The following EPB41 variants were observed in gnomAD, a reference collection of about 807,000 sequenced individuals.
EPB41 encodes the protein erythrocyte membrane protein band 4.1, also known as protein 4.1.
A neutral mutation model predicts 108.0 loss-of-function variants in EPB41; 65 were observed. That is an observed-to-expected ratio of 0.60 (90% CI 0.49 to 0.74). The LOEUF (loss-of-function observed/expected upper bound fraction) is 0.74, where lower values mean the gene tolerates loss of function less well. Ranked by LOEUF, EPB41 falls within the 30% of genes least tolerant of loss-of-function variation. The pLI is 0.00. For missense variants in EPB41, 875 were observed against 1,037.0 expected (o/e 0.84, Z 2.15); for synonymous variants, 336 against 358.9 (o/e 0.94, Z 0.72).
Position 29,032,271 on chromosome 1 carries a change from A to G in EPB41, c.1213-822A>G, listed in dbSNP as rs143147163. 3.0e-3 allele frequency among the ~76,000 whole-genome samples: 452 copies of G among 152,264 alleles called. 5 individuals are homozygous for G. The highest frequency in any genetic ancestry group is 9.7e-3 in the African/African-American group (403 of 41,546). ...CAATTCCTGCTGGAAGCTGGTGTCA[A>G]TTCAGGTATTGATGGAGTCAGGCAG... is the stretch of plus-strand genomic sequence containing the variant. On this transcript the variant is annotated intron_variant, in intron 8 of 20. Coordinates refer to ENST00000343067, the MANE Select transcript of EPB41 (RefSeq NM_001376013.1).
At chr1:29,072,401 G>T (rs1651899653) in intron 16 of EPB41, 1 of 152,066 alleles carries the variant, frequency 6.6e-6, no homozygotes, top group Non-Finnish European at 1.5e-5. Flanking sequence ...GAATTAAAAG[G>T]AAATAATCAG....
In EPB41 at chr1:29,000,186, C is replaced by T. The variant is rs184409145; in HGVS notation, c.786+2867C>T. 1.6e-4 allele frequency among the ~76,000 whole-genome samples: 25 copies of T among 152,012 alleles called. No homozygotes were observed. In the East Asian group the frequency reaches 3.1e-3, roughly 19 times the overall value. On this transcript the variant is annotated intron_variant, in intron 4 of 20. Transcript: ENST00000343067. ...TGATCTCTGCTCACTGCAATCTCCA[C>T]CTCCTGGGCTCAAGCAATTCTCCTG...
At chr1:28,984,740 G>A (rs376664692) in intron 1 of EPB41, among the ~76,000 whole-genome samples, 215 of 151,422 alleles carry the variant, frequency 1.4e-3, no homozygotes, top group African/African-American at 4.7e-3. Context: ...TCACTGTAGC[G>A]TCAGCCTCCT....
At chr1:29,040,979 T>C (rs1360830582) in intron 11 of EPB41, among the ~76,000 whole-genome samples, 1 of 151,318 alleles carries the variant, frequency 6.6e-6, no homozygotes, top group Non-Finnish European at 1.5e-5. Context: ...CTAGTAAAAA[T>C]ACAAAAATCA....
chr1:29,069,118 C>A, intron 16 of EPB41: 3 of 1,205,192 alleles, frequency 2.5e-6, no homozygotes, highest in Non-Finnish European at 3.1e-6. Flanking sequence ...CAAAAATCAT[C>A]ATAATTTTGC....
chr1:28,939,615 G>C (rs2094192581), intron 1 of EPB41, among the ~76,000 whole-genome samples: 1 of 151,872 alleles, frequency 6.6e-6, no homozygotes, highest in Non-Finnish European at 1.5e-5. Flanking sequence ...GGCTAACTTT[G>C]TATTTTTAGT....
At chr1:28,955,411 C>T (rs2094905828) in intron 1 of EPB41, among the ~76,000 whole-genome samples, 1 of 151,880 alleles carries the variant, frequency 6.6e-6, no homozygotes, top group African/African-American at 2.4e-5. Flanking sequence ...GCGTGATCTC[C>T]ACTCGCTGCA....
chr1:28,964,551 A>G (rs530173345), intron 1 of EPB41, among the ~76,000 whole-genome samples: 7 of 152,296 alleles, frequency 4.6e-5, no homozygotes, highest in South Asian at 2.1e-4. Flanking sequence ...CAGTGAGCCA[A>G]GATCGTGCCA....
chr1:29,016,452 G>A (rs1046529478), intron 6 of EPB41, among the ~76,000 whole-genome samples: 2 of 150,610 alleles, frequency 1.3e-5, no homozygotes, highest in African/African-American at 4.9e-5. Context: ...GCCTCCCAAA[G>A]TGCTGGTGTT....
At chr1:29,059,259 A>G (rs763704490) in intron 14 of EPB41, among the ~76,000 whole-genome samples, 3 of 152,164 alleles carry the variant, frequency 2.0e-5, no homozygotes, top group Non-Finnish European at 4.4e-5. Context: ...TGGGTGACAG[A>G]TATACACATA....
intron 1 of EPB41, among the ~76,000 whole-genome samples, chr1:28,891,807 G>T (rs560819016): frequency 3.9e-5 from 6 of 152,080 alleles, no homozygotes; most frequent in Non-Finnish European, 8.8e-5. Context: ...TAACACCACC[G>T]GCCGGGCATG....
chr1:29,077,618 A>G (rs1436342057), intron 16 of EPB41, among the ~76,000 whole-genome samples: 2 of 152,218 alleles, frequency 1.3e-5, no homozygotes, highest in Non-Finnish European at 2.9e-5. Flanking sequence ...AACATCAACT[A>G]TATCAAACTC....
intron 6 of EPB41, among the ~76,000 whole-genome samples, chr1:29,016,589 C>T (rs1011656267): frequency 3.9e-5 from 6 of 152,020 alleles, no homozygotes; most frequent in African/African-American, 1.4e-4. Context: ...TACTTAATCC[C>T]CTGAACTGAA....
At chr1:28,920,045 A>G (rs1365033654) in intron 1 of EPB41, among the ~76,000 whole-genome samples, 4 of 152,042 alleles carry the variant, frequency 2.6e-5, no homozygotes, top group African/African-American at 9.7e-5. Flanking sequence ...AATTGTTTCT[A>G]AGCTATGTGG....
At chr1:29,084,315 T>A (rs1029349307) in intron 16 of EPB41, among the ~76,000 whole-genome samples, 5 of 152,244 alleles carry the variant, frequency 3.3e-5, no homozygotes, top group Non-Finnish European at 7.3e-5. Flanking sequence ...TAAATTTTCC[T>A]CACATATTTG....
At chr1:28,902,455 G>C in intron 1 of EPB41, 1 of 889,762 alleles carries the variant, frequency 1.1e-6, no homozygotes, top group Non-Finnish European at 1.3e-6. Flanking sequence ...GCAGAGAGCT[G>C]TGCTAGACAC....
At chr1:28,901,445 G>A (rs57365249) in intron 1 of EPB41, among the ~76,000 whole-genome samples, 6,823 of 151,282 alleles carry the variant, frequency 0.045, 392 homozygotes, top group African/African-American at 0.13. Context: ...GGGTGGTCTC[G>A]ATCTCTTGAC....
chr1:29,064,569 T>G (rs1477414935), intron 15 of EPB41, among the ~76,000 whole-genome samples: 1 of 152,218 alleles, frequency 6.6e-6, no homozygotes, highest in Non-Finnish European at 1.5e-5. Flanking sequence ...AACAGTTTGT[T>G]TATCTGTTGC....
intron 1 of EPB41, among the ~76,000 whole-genome samples, chr1:28,950,539 T>C (rs2094676284): frequency 6.6e-6 from 1 of 152,226 alleles, no homozygotes; most frequent in Non-Finnish European, 1.5e-5. Context: ...GTCTCCTAAA[T>C]TTATGCTCTG....
Sources: allele counts gnomAD v4.1 joint callset (sites outside exome capture counted in the v4.1 genomes callset), GRCh38; gene constraint gnomAD v4.1.1; transcripts MANE v1.5; gene names NCBI Gene and HGNC (gene_info 2026-07-23, HGNC 2026-07-21).